Variants in CYB5B observed in about 807,000 individuals in gnomAD.
The protein encoded by CYB5B is cytochrome b5 type B.
Under a neutral mutation model 21.3 loss-of-function variants are expected in CYB5B, and 14 were observed. The observed-to-expected ratio is 0.66, with a 90% confidence interval of 0.43 to 1.03. The LOEUF is 1.03. CYB5B is among the 50% of genes least tolerant of loss of function. CYB5B has a pLI of 0.00. For missense variants in CYB5B, 166 were observed against 185.1 expected (o/e 0.90, Z 0.60); for synonymous variants, 69 against 68.4 (o/e 1.01, Z -0.04).
intron 1 of CYB5B, 27 bp from the exon 2 acceptor site, chr16:69,447,123 G>A (rs1206866378): frequency 1.8e-5 from 29 of 1,608,884 alleles, no homozygotes; most frequent in Admixed American, 1.0e-4. Context: ...GAGAACCCTC[G>A]GTTCAGTAAA....
At position 69,462,646 on chromosome 16, in the gene CYB5B, C is replaced by A; in HGVS notation, c.*126C>A. 1.3e-6 allele frequency: 1 copy of A among 757,158 alleles called. No individual in the cohort carries two copies. Among genetic ancestry groups the A allele is most frequent in the Non-Finnish European group, 2.3e-6 (1 of 443,142 alleles). 46.9% of individuals were successfully genotyped at this position (757,158 alleles called of 1,614,324 possible). On this transcript the variant is annotated 3_prime_UTR_variant, in exon 5 of 5. Transcript: ENST00000307892. ...GCATTCTTCCCCCTTGGAGCCAAGA[C>A]GATTGGCCAGACATCACCTCAGATC... is the stretch of plus-strand genomic sequence containing the variant.
intron 3 of CYB5B, 109 bp from the exon 4 acceptor site, chr16:69,458,984 G>A: frequency 3.2e-6 from 3 of 935,474 alleles, no homozygotes; most frequent in South Asian, 1.8e-5. Flanking sequence ...TGAAGTTCTG[G>A]TATCAGTTAC....
Position 69,456,829 on chromosome 16 carries a change from T to A in CYB5B, c.334-2264T>A, listed in dbSNP as rs369905757. Among the ~76,000 whole-genome samples the A allele has an allele frequency of 4.2e-4, 64 of 152,306 alleles. No homozygotes were observed. The South Asian group carries it at 0.012, about 28-fold the overall frequency. ...GGGAGGTTATGTGTTAATAGAACTTTTTTCATTTCAGTTTAAAAACAAGCG... is the reference window on the plus strand; with the variant it reads ...GGGAGGTTATGTGTTAATAGAACTTATTTCATTTCAGTTTAAAAACAAGCG... On this transcript the variant is annotated intron_variant, in intron 3 of 4. Transcript: ENST00000307892.
chr16:69,460,118 C>T (rs943376627), intron 4 of CYB5B, among the ~76,000 whole-genome samples: 1 of 151,664 alleles, frequency 6.6e-6, no homozygotes, highest in Non-Finnish European at 1.5e-5. Context: ...CATGGTGGTG[C>T]GAGCTTTGGG....
At chr16:69,440,532 T>A (rs2014809251) in intron 1 of CYB5B, among the ~76,000 whole-genome samples, 2 of 152,218 alleles carry the variant, frequency 1.3e-5, no homozygotes, top group African/African-American at 4.8e-5. Context: ...AAATGGAAAT[T>A]TCACAGTATA....
At chr16:69,459,049 C>A in intron 3 of CYB5B, 44 bp from the exon 4 acceptor site, 1 of 1,530,454 alleles carries the variant, frequency 6.5e-7, no homozygotes. Context: ...AATCTTCTTT[C>A]TTTTTGTTTG....
chr16:69,451,177 T>C (rs2014927503), intron 3 of CYB5B, among the ~76,000 whole-genome samples: 1 of 152,218 alleles, frequency 6.6e-6, no homozygotes, highest in Admixed American at 6.5e-5. Context: ...TGTGAATCTC[T>C]TCCTTGCTGG....
At chr16:69,444,434 G>C (rs918704435) in intron 1 of CYB5B, 2 of 152,254 alleles carry the variant, frequency 1.3e-5, no homozygotes, top group African/African-American at 2.4e-5. Context: ...CTCGGGCCTA[G>C]TGCAGTGATT....
intron 3 of CYB5B, among the ~76,000 whole-genome samples, chr16:69,455,428 G>C (rs1203871683): frequency 6.8e-6 from 1 of 147,542 alleles, no homozygotes; most frequent in South Asian, 2.2e-4. Context: ...TTGGTGGGGG[G>C]ACGAAATCTC....
rs1597288946 is a variant in CYB5B, at chr16:69,462,649, T to C, written c.*129T>C. 2.7e-6 allele frequency: 2 copies of C among 736,726 alleles called. No homozygotes were observed. The highest frequency in any genetic ancestry group is 4.7e-6 in the Non-Finnish European group (2 of 425,228). The allele number at this position is 736,726 out of a possible 1,614,324, so 45.6% of individuals were successfully genotyped here. On this transcript the variant is annotated 3_prime_UTR_variant, in exon 5 of 5. Transcript: ENST00000307892. ...TTCTTCCCCCTTGGAGCCAAGACGA[T>C]TGGCCAGACATCACCTCAGATCTGA...
chr16:69,424,900 A>G, intron 1 of CYB5B, 43 bp downstream of exon 1: 1 of 1,494,094 alleles, frequency 6.7e-7, no homozygotes, highest in Non-Finnish European at 8.9e-7. Flanking sequence ...TGCTGGGGCG[A>G]GGGGTGAAAA....
At chr16:69,462,374 G>A in intron 4 of CYB5B, 56 bp from the exon 5 acceptor site, 1 of 1,370,660 alleles carries the variant, frequency 7.3e-7, no homozygotes, top group South Asian at 1.2e-5. Context: ...CTGAAAGATA[G>A]TGAACATTTG....
intron 3 of CYB5B, among the ~76,000 whole-genome samples, chr16:69,453,144 TTTTTTAACTTCA>T (rs1383789086): frequency 6.6e-6 from 1 of 152,184 alleles, no homozygotes; most frequent in East Asian, 1.9e-4. Flanking sequence ...CTTAACGTGT[TTTTTTAACTTCA>T]TTTTTAACTT....
intron 3 of CYB5B, chr16:69,448,687 T>C (rs546914996): frequency 1.9e-5 from 3 of 154,148 alleles, no homozygotes; most frequent in African/African-American, 7.2e-5. Context: ...GTTTGAAAAC[T>C]TTAATGTGTA....
chr16:69,445,878 C>T (rs187569519), intron 1 of CYB5B, among the ~76,000 whole-genome samples: 2 of 152,140 alleles, frequency 1.3e-5, no homozygotes, highest in African/African-American at 2.4e-5. Context: ...ATCGCTTGAA[C>T]CCGGGTGGCA....
intron 3 of CYB5B, among the ~76,000 whole-genome samples, chr16:69,457,318 G>T (rs1243813561): frequency 6.6e-6 from 1 of 152,082 alleles, no homozygotes. Flanking sequence ...TGAAGTATAT[G>T]ATTTTTACTC....
Position 69,447,349 on chromosome 16 carries a change from A to G in CYB5B, c.303+71A>G, listed in dbSNP as rs562064662. ...TAACAGCTGCAGAACAGGATGAAGAAATGAATTATTGGCTGGGCGTGGTGG... is the reference window on the plus strand; with the variant it reads ...TAACAGCTGCAGAACAGGATGAAGAGATGAATTATTGGCTGGGCGTGGTGG... On this transcript the variant is annotated intron_variant, in intron 2 of 4. Coordinates refer to ENST00000307892, the MANE Select transcript of CYB5B (RefSeq NM_030579.3). 7 of 1,557,774 alleles carry G rather than the reference A, an allele frequency of 4.5e-6. No individual in the cohort carries two copies. In the African/African-American group the frequency reaches 9.5e-5, roughly 21 times the overall value.
intron 3 of CYB5B, chr16:69,450,252 A>G (rs544989319): frequency 1.3e-5 from 2 of 150,712 alleles, no homozygotes; most frequent in East Asian, 3.9e-4. Flanking sequence ...CCAAAAAACT[A>G]TTGAGCCTTA....
At chr16:69,431,284 G>A (rs1597279471) in intron 1 of CYB5B, among the ~76,000 whole-genome samples, 1 of 151,790 alleles carries the variant, frequency 6.6e-6, no homozygotes, top group Non-Finnish European at 1.5e-5. Context: ...CCACGGCACC[G>A]GCCTATATGT....
Sources: gnomAD v4.1 joint callset for allele counts (sites outside exome capture counted in the v4.1 genomes callset) on GRCh38, gnomAD v4.1.1 for gene constraint, MANE v1.5 for transcripts, NCBI Gene and HGNC (gene_info 2026-07-23, HGNC 2026-07-21) for gene names.